The following FAM186A variants were observed in gnomAD, a reference collection of about 807,000 sequenced individuals.
The protein encoded by FAM186A is family with sequence similarity 186 member A.
A neutral mutation model predicts 216.8 loss-of-function variants in FAM186A; 163 were observed. That is an observed-to-expected ratio of 0.75 (90% CI 0.66 to 0.86). FAM186A has a LOEUF of 0.86. Ranked by LOEUF, FAM186A falls within the 40% of genes least tolerant of loss-of-function variation. The pLI, the probability that FAM186A is intolerant of heterozygous loss-of-function variation, is 0.00. For missense variants in FAM186A, 2,184 were observed against 2,746.2 expected (o/e 0.80, Z 4.58); for synonymous variants, 805 against 1,025.3 (o/e 0.79, Z 4.10).
intron 1 of FAM186A, among the ~76,000 whole-genome samples, chr12:50,395,617 T>C (rs77893672): frequency 0.018 from 2,698 of 152,228 alleles, 25 homozygotes; most frequent in Middle Eastern, 0.044. Context: ...GCTGACATTA[T>C]GTAAACACTC....
chr12:50,363,096 T>C lies in FAM186A; in HGVS notation c.412+49A>G. The C allele has an allele frequency of 2.1e-6, 3 of 1,421,742 alleles. No homozygotes were observed. In the South Asian group the frequency reaches 4.2e-5, roughly 20 times the overall value. The allele number at this position is 1,421,742 out of a possible 1,614,324, so 88.1% of individuals were successfully genotyped here. A position where few individuals can be genotyped will look rare whatever the true frequency, so the allele number is the denominator to read the frequency against. On this transcript the variant is annotated intron_variant, in intron 2 of 7. Transcript: ENST00000327337. ...AAATTTACTTATATATTCTCTTCTC[T>C]TTTTCATTAACTTTATGGTTTTCCT...
intron 1 of FAM186A, among the ~76,000 whole-genome samples, chr12:50,373,063 G>A (rs1943163725): frequency 7.0e-6 from 1 of 142,990 alleles, no homozygotes; most frequent in African/African-American, 2.6e-5. Context: ...AAGAAAGAAA[G>A]AAAGAAAGAA....
At chr12:50,366,319 G>T (rs1193423676) in intron 1 of FAM186A, among the ~76,000 whole-genome samples, 1 of 152,090 alleles carries the variant, frequency 6.6e-6, no homozygotes, top group Admixed American at 6.6e-5. Context: ...AGTGAACAAA[G>T]AAAAGATACT....
chr12:50,381,543 CA>C (rs539889739), intron 1 of FAM186A, among the ~76,000 whole-genome samples: 175 of 144,814 alleles, frequency 1.2e-3, no homozygotes, highest in Admixed American at 2.7e-3. Context: ...GATTCTGTCT[CA>C]AAAAAAAATT....
chr12:50,337,877 A>G (rs1324300128), intron 4 of FAM186A, among the ~76,000 whole-genome samples: 3 of 150,688 alleles, frequency 2.0e-5, no homozygotes, highest in Non-Finnish European at 4.4e-5. Context: ...GCCTGGCGAC[A>G]GAGCAAGACT....
rs747631493 is a variant in FAM186A at position 50,355,432 on chromosome 12, T to C, written c.1400A>G (p.Tyr467Cys). The C allele has an allele frequency of 3.9e-6, 6 of 1,551,256 alleles. No homozygotes were observed. The highest frequency in any genetic ancestry group is 5.2e-6 in the Non-Finnish European group (6 of 1,146,932). Residue 467 changes from tyrosine (Y) to cysteine (C), a missense_variant, in exon 4 of 8, where the codon TAT (tyrosine) becomes TGT (cysteine). Coordinates refer to ENST00000327337, the MANE Select transcript of FAM186A (RefSeq NM_001145475.3). ...SWKRSHKKAT[Y>C]VYETSGPNLS... Reference sequence around the variant, plus strand: ...ATTTGGTCCAGAGGTCTCATATACATATGTGGCTTTTTTGTGGCTTCTTTT... The same window carrying C: ...ATTTGGTCCAGAGGTCTCATATACACATGTGGCTTTTTTGTGGCTTCTTTT...
intron 6 of FAM186A, among the ~76,000 whole-genome samples, chr12:50,331,322 C>T (rs749430697): frequency 6.6e-6 from 1 of 152,206 alleles, no homozygotes; most frequent in Non-Finnish European, 1.5e-5. Flanking sequence ...TCACCGCAAC[C>T]TCTGCCACCC....
At position 50,350,388 on chromosome 12, in the gene FAM186A, T is replaced by C. The variant is rs7312252; in HGVS notation, c.6444A>G (p.Thr2148=). The C allele has an allele frequency of 0.65, 1,008,331 of 1,549,448 alleles. 331,606 individuals are homozygous for C. The highest frequency in any genetic ancestry group is 0.76 in the Admixed American group (38,486 of 50,756). Residue 2148 remains threonine (T), a synonymous_variant, in exon 4 of 8, where the codon ACA becomes ACG. Coordinates refer to ENST00000327337, the MANE Select transcript of FAM186A (RefSeq NM_001145475.3). ...TLIIEILHMD[T]VQLGYLFRKY... is the part of the protein sequence containing the mutation. ...TGCGGAATAAGTATCCCAACTGAAC[T>C]GTGTCCATATGAAGTATCTCAATTA... is the stretch of plus-strand genomic sequence containing the variant.
intron 7 of FAM186A, 76 bp downstream of exon 7, chr12:50,330,497 A>T: frequency 6.9e-7 from 1 of 1,449,280 alleles, no homozygotes; most frequent in Non-Finnish European, 9.3e-7. Flanking sequence ...GTGCTACAGG[A>T]GAAAGTCAAG....
chr12:50,393,319 C>A (rs1943381043), intron 1 of FAM186A, among the ~76,000 whole-genome samples: 1 of 151,874 alleles, frequency 6.6e-6, no homozygotes, highest in Non-Finnish European at 1.5e-5. Flanking sequence ...GGGAGGATCA[C>A]CTGAGGTCAG....
chr12:50,365,401 T>C (rs1483957029), intron 1 of FAM186A, among the ~76,000 whole-genome samples: 2 of 152,214 alleles, frequency 1.3e-5, no homozygotes, highest in Non-Finnish European at 2.9e-5. Flanking sequence ...CTCACACATA[T>C]TAATTTTTAA....
At chr12:50,346,305 C>T (rs1266497076) in intron 4 of FAM186A, among the ~76,000 whole-genome samples, 4 of 151,748 alleles carry the variant, frequency 2.6e-5, no homozygotes, top group Non-Finnish European at 5.9e-5. Context: ...CATCTCAGCT[C>T]ACTGCAATCT....
At chr12:50,359,355 A>G (rs1393486256) in intron 3 of FAM186A, among the ~76,000 whole-genome samples, 1 of 152,072 alleles carries the variant, frequency 6.6e-6, no homozygotes, top group Non-Finnish European at 1.5e-5. Context: ...CTGAGATCAC[A>G]CCACTGCACT....
chr12:50,396,590 T>C lies in FAM186A; in HGVS notation c.-106A>G. ...AGCTAGGAGAGGTCTTTCCTGATCC[T>C]AGAAGTTGTGGCATACTCTGCTACT... On this transcript the variant is annotated 5_prime_UTR_variant, in exon 1 of 8. Transcript: ENST00000327337. The C allele has an allele frequency of 1.7e-6, 2 of 1,156,394 alleles. No individual in the cohort carries two copies. The highest frequency in any genetic ancestry group is 1.6e-5 in the South Asian group (1 of 60,890). 71.6% of individuals were successfully genotyped at this position (1,156,394 alleles called of 1,614,324 possible). A position where few individuals can be genotyped will look rare whatever the true frequency, so the allele number is the denominator to read the frequency against.
intron 4 of FAM186A, among the ~76,000 whole-genome samples, chr12:50,336,072 C>T (rs1024298663): frequency 1.3e-5 from 2 of 151,132 alleles, no homozygotes; most frequent in Non-Finnish European, 2.9e-5. Flanking sequence ...TTGCAGTGAG[C>T]CGAGACCACA....
rs1166348227 is a variant in FAM186A at position 50,334,117 on chromosome 12, A to T, written c.6504-14T>A. On this transcript the variant is annotated splice_polypyrimidine_tract_variant and intron_variant, in intron 4 of 7. Coordinates refer to ENST00000327337, the MANE Select transcript of FAM186A (RefSeq NM_001145475.3). ...ATTATGTTGTTCCTTGAAAAGATTA[A>T]TAAAAATTAGAGCGATAATAGTTGC... 6.6e-7 allele frequency: 1 copy of T among 1,521,348 alleles called. No homozygotes were observed. 94.2% of individuals were successfully genotyped at this position (1,521,348 alleles called of 1,614,324 possible).
intron 4 of FAM186A, among the ~76,000 whole-genome samples, chr12:50,346,729 CCCAGCTACT>C (rs1942822531): frequency 6.6e-6 from 1 of 151,932 alleles, no homozygotes; most frequent in South Asian, 2.1e-4. Flanking sequence ...CGCCTGTAGT[CCCAGCTACT>C]CGGGAGGCTG....
intron 1 of FAM186A, among the ~76,000 whole-genome samples, chr12:50,378,211 C>T (rs1428021731): frequency 4.1e-5 from 5 of 120,612 alleles, no homozygotes; most frequent in African/African-American, 9.5e-5. Flanking sequence ...ACAACAAGAG[C>T]GAAACTCCAT....
At chr12:50,340,167 G>A (rs1432089356) in intron 4 of FAM186A, among the ~76,000 whole-genome samples, 1 of 152,006 alleles carries the variant, frequency 6.6e-6, no homozygotes, top group Non-Finnish European at 1.5e-5. Context: ...GGTTCTTTGA[G>A]GCACAGTTCA....
Sources: allele counts gnomAD v4.1 joint callset (sites outside exome capture counted in the v4.1 genomes callset), GRCh38; gene constraint gnomAD v4.1.1; transcripts MANE v1.5; gene names NCBI Gene and HGNC (gene_info 2026-07-23, HGNC 2026-07-21).